The following ACTR3C variants were observed in gnomAD, a reference collection of about 807,000 sequenced individuals.
ACTR3C encodes actin-related protein 3C.
A neutral mutation model predicts 26.3 loss-of-function variants in ACTR3C; 18 were observed. That is an observed-to-expected ratio of 0.68 (90% CI 0.47 to 1.01). ACTR3C has a LOEUF of 1.01. Ranked by LOEUF, ACTR3C falls within the 50% of genes least tolerant of loss-of-function variation. The pLI, the probability that ACTR3C is intolerant of heterozygous loss-of-function variation, is 0.00. For missense variants in ACTR3C, 184 were observed against 250.7 expected (o/e 0.73, Z 1.80); for synonymous variants, 55 against 94.5 (o/e 0.58, Z 2.42).
the ACTR3C span, among the ~76,000 whole-genome samples, chr7:149,932,779 T>G: frequency 2.7e-5 from 4 of 150,538 alleles, no homozygotes. Context: ...CAGGGAAGAC[T>G]CTTAGACCAT....
chr7:150,194,965 G>A, the ACTR3C span, among the ~76,000 whole-genome samples: 19 of 151,806 alleles, frequency 1.3e-4, no homozygotes, highest in Non-Finnish European at 2.5e-4. Context: ...GTGATGATGC[G>A]TGCCTGTAAT....
the ACTR3C span, among the ~76,000 whole-genome samples, chr7:149,995,108 G>C: frequency 6.6e-6 from 1 of 152,200 alleles, no homozygotes; most frequent in Non-Finnish European, 1.5e-5. Context: ...GCCCGCCTCA[G>C]CCTCCCAGAG....
the ACTR3C span, among the ~76,000 whole-genome samples, chr7:150,106,072 G>C: frequency 2.7e-3 from 408 of 152,092 alleles, 4 homozygotes; most frequent in African/African-American, 9.4e-3. Flanking sequence ...TGCTTGAAAT[G>C]AGCAACTTCT....
At chr7:150,088,062 T>C in the ACTR3C span, among the ~76,000 whole-genome samples, 4 of 152,390 alleles carry the variant, frequency 2.6e-5, no homozygotes, top group South Asian at 2.1e-4. Flanking sequence ...TATAGCATTC[T>C]TAATAGATTC....
chr7:150,156,858 G>T, the ACTR3C span, among the ~76,000 whole-genome samples: 2 of 151,646 alleles, frequency 1.3e-5, no homozygotes, highest in South Asian at 2.1e-4. Flanking sequence ...TACTGTAAAG[G>T]ATGAAGGTTT....
the ACTR3C span, among the ~76,000 whole-genome samples, chr7:150,029,577 A>G: frequency 2.0e-5 from 3 of 150,970 alleles, no homozygotes; most frequent in South Asian, 6.3e-4. Context: ...AACCAATAAA[A>G]CAAACAAACA....
At chr7:150,126,647 T>A in the ACTR3C span, among the ~76,000 whole-genome samples, 18 of 152,194 alleles carry the variant, frequency 1.2e-4, no homozygotes, top group African/African-American at 3.9e-4. Context: ...GTGCCTTTAA[T>A]AGGCCCAACA....
chr7:150,038,386 C>T, the ACTR3C span, among the ~76,000 whole-genome samples: 1 of 142,006 alleles, frequency 7.0e-6, no homozygotes, highest in Non-Finnish European at 1.5e-5. Flanking sequence ...TTTGTCAGGT[C>T]GGGTGGGCTG....
chr7:150,163,576 T>G, the ACTR3C span, among the ~76,000 whole-genome samples: 4 of 152,136 alleles, frequency 2.6e-5, no homozygotes, highest in African/African-American at 9.6e-5. Context: ...TATGGAGATT[T>G]ATTATGAGGA....
At chr7:150,289,706 C>G in intron 3 of ACTR3C, 113 bp from the exon 4 acceptor site, 1 of 1,531,096 alleles carries the variant, frequency 6.5e-7, no homozygotes, top group East Asian at 2.3e-5. Flanking sequence ...ACGGCACTGA[C>G]AAGCATTGAC....
At chr7:150,047,963 C>A in the ACTR3C span, 1 of 1,179,900 alleles carries the variant, frequency 8.5e-7, no homozygotes, top group African/African-American at 1.6e-5. Context: ...GGTGGGGAGG[C>A]AGCAGCAGCA....
the ACTR3C span, among the ~76,000 whole-genome samples, chr7:150,204,044 C>T: frequency 1.3e-5 from 2 of 150,200 alleles, no homozygotes; most frequent in South Asian, 2.1e-4. Flanking sequence ...CTGGCACCCT[C>T]ATCTTTTGGG....
chr7:150,017,419 G>A, the ACTR3C span, among the ~76,000 whole-genome samples: 3 of 140,032 alleles, frequency 2.1e-5, no homozygotes, highest in African/African-American at 9.0e-5. Flanking sequence ...CCATTCTCCA[G>A]GTCTTATGTT....
intron 1 of ACTR3C, among the ~76,000 whole-genome samples, chr7:150,303,468 ACTT>A (rs567157403): frequency 1.0e-3 from 157 of 152,350 alleles, no homozygotes; most frequent in South Asian, 3.3e-3. Context: ...CTGCTTTTAT[ACTT>A]CTATTACTTG....
rs766458250 is a variant in ACTR3C at position 150,303,261 on chromosome 7, TC to T, written c.-51-7915del. On this transcript the variant is annotated intron_variant, in intron 1 of 7. Transcript: ENST00000683684. ...TTGCCTCCTGCCCTTAACACCCTCC[TC>T]CTTCCTGGAACACAGAGGTGATAGC... Among the ~76,000 whole-genome samples, 3 of 152,090 alleles carry T rather than the reference TC, an allele frequency of 2.0e-5. No individual in the cohort carries two copies. The East Asian group carries it at 5.8e-4, about 29-fold the overall frequency.
chr7:150,304,572 C>T (rs1194609444), intron 1 of ACTR3C, among the ~76,000 whole-genome samples: 4 of 152,148 alleles, frequency 2.6e-5, no homozygotes, highest in African/African-American at 4.8e-5. Flanking sequence ...TCAGACCCTT[C>T]GACCTCAGCA....
chr7:150,218,789 C>G, the ACTR3C span, among the ~76,000 whole-genome samples: 1 of 133,150 alleles, frequency 7.5e-6, no homozygotes, highest in African/African-American at 3.0e-5. Context: ...AAAGACATTT[C>G]TTAAAGAAAA....
rs1250324091 is a variant in ACTR3C at position 150,264,655 on chromosome 7, G to A, written c.565-15601C>T. Reference sequence around the variant, plus strand: ...TGAAGAAAACAAAAGTCCCTAAACCGAGTCGATTAAGACACTCACAGTTGC... The same window carrying A: ...TGAAGAAAACAAAAGTCCCTAAACCAAGTCGATTAAGACACTCACAGTTGC... On this transcript the variant is annotated intron_variant, in intron 6 of 7. Transcript: ENST00000683684. 10 of 962,442 alleles carry A rather than the reference G, an allele frequency of 1.0e-5. No homozygotes were observed. In the South Asian group the frequency reaches 1.4e-4, roughly 14 times the overall value. 59.6% of individuals were successfully genotyped at this position (962,442 alleles called of 1,614,324 possible).
At chr7:150,082,823 G>A in the ACTR3C span, among the ~76,000 whole-genome samples, 2 of 151,894 alleles carry the variant, frequency 1.3e-5, no homozygotes, top group African/African-American at 4.8e-5. Flanking sequence ...AGAAGAGAAG[G>A]AAGATATTAG....
Sources: gnomAD v4.1 joint callset for allele counts (sites outside exome capture counted in the v4.1 genomes callset) on GRCh38, gnomAD v4.1.1 for gene constraint, MANE v1.5 for transcripts, NCBI Gene and HGNC (gene_info 2026-07-23, HGNC 2026-07-21) for gene names.